The following DENND4B variants were observed in gnomAD, a reference collection of about 807,000 sequenced individuals.
DENND4B encodes DENN domain-containing protein 4B.
A neutral mutation model predicts 161.0 loss-of-function variants in DENND4B; 67 were observed. That is an observed-to-expected ratio of 0.42 (90% CI 0.34 to 0.51). The LOEUF is 0.51. Among genes scored for constraint, DENND4B ranks in the 20% least tolerant of loss-of-function variants. The probability of loss-of-function intolerance (pLI) is 0.08; values close to 1 mark genes in which losing one functional copy is unlikely to be tolerated. For synonymous variants in DENND4B, 753 were observed against 813.8 expected, an observed-to-expected ratio of 0.93 and a Z score of 1.27; for missense variants, 1,481 against 1,968.0, an observed-to-expected ratio of 0.75 and a Z score of 4.68.
chr1:153,945,381 C>T (rs1679903087), intron 1 of DENND4B: 2 of 329,474 alleles, frequency 6.1e-6, no homozygotes, highest in South Asian at 4.4e-5. Flanking sequence ...AAGGTGCCAG[C>T]ACAGCATTAC....
At chr1:153,943,609 C>T (rs1175643968) in intron 2 of DENND4B, among the ~76,000 whole-genome samples, 12 of 139,424 alleles carry the variant, frequency 8.6e-5, no homozygotes, top group Non-Finnish European at 1.4e-4. Context: ...ACCCAGGAGG[C>T]GAAGGTTGCA....
At position 153,932,539 on chromosome 1, in the gene DENND4B, T is replaced by G; in HGVS notation, c.3760-99A>C. 1 of 1,562,924 alleles carries G rather than the reference T, an allele frequency of 6.4e-7. No homozygotes were observed. Among genetic ancestry groups the G allele is most frequent in the Non-Finnish European group, 8.7e-7 (1 of 1,153,238 alleles). ...CATCCAACAGCTTTTGGGATGCCCCTTGCCCTCAAGGGCAAGAGATGTGCC... is the reference window on the plus strand; with the variant it reads ...CATCCAACAGCTTTTGGGATGCCCCGTGCCCTCAAGGGCAAGAGATGTGCC... On this transcript the variant is annotated intron_variant, in intron 23 of 27. Transcript: ENST00000361217. This position sits in a 1 kb window ranked among gnomAD's most constrained non-coding sequence, Gnocchi z 5.8.
Position 153,940,196 on chromosome 1 carries a change from C to A in DENND4B, c.1563G>T (p.Leu521=), listed in dbSNP as rs752996885. ...GGTACAGGTTTGTCAGTGTGGCCAG[C>A]AGAACCTTGTAGGGTCTGCGGGGCA... The part of the protein sequence containing the change: ...RTLPRRPYKV[L]LATLTNLYQQ... The change falls in exon 11 of 28, where the codon CTG becomes CTT. Residue 521 remains leucine, a synonymous_variant. Transcript: ENST00000361217. The surrounding 1 kb of genome is among the most constrained non-coding windows in gnomAD (Gnocchi z 5.6). The A allele has an allele frequency of 1.3e-6, 2 of 1,597,328 alleles. No homozygotes were observed. Among genetic ancestry groups the A allele is most frequent in the Admixed American group, 3.6e-5 (2 of 55,978 alleles).
At chr1:153,941,773 C>CCGGGGGGCG in intron 6 of DENND4B, 96 bp downstream of exon 6, 1 of 1,426,304 alleles carries the variant, frequency 7.0e-7, no homozygotes, top group Non-Finnish European at 9.6e-7. Context: ...ACCCTGTGCC[C>CCGGGGGGCG]AGCCCTCCCC....
intron 1 of DENND4B, among the ~76,000 whole-genome samples, chr1:153,945,757 G>A (rs1679924623): frequency 6.6e-6 from 1 of 152,244 alleles, no homozygotes; most frequent in Non-Finnish European, 1.5e-5. Flanking sequence ...AGGCCATTAG[G>A]TGGGACCTTC....
rs1679750640 is a variant in DENND4B, at chr1:153,942,806, G to A, written c.570+72C>T. On this transcript the variant is annotated intron_variant, in intron 3 of 27. Transcript: ENST00000361217. This position sits in a 1 kb window ranked among gnomAD's most constrained non-coding sequence, Gnocchi z 6.9. ...GTGGTCAGAGCCTTGGTCCTGGGATGCCCTTTGTTCCCAGTGTCCACACCC... is the reference window on the plus strand; with the variant it reads ...GTGGTCAGAGCCTTGGTCCTGGGATACCCTTTGTTCCCAGTGTCCACACCC... The A allele has an allele frequency of 3.9e-6, 6 of 1,526,324 alleles. No homozygotes were observed. The highest frequency in any genetic ancestry group is 5.3e-6 in the Non-Finnish European group (6 of 1,134,454). 94.5% of individuals were successfully genotyped at this position (1,526,324 alleles called of 1,614,324 possible). A position where few individuals can be genotyped will look rare whatever the true frequency, so the allele number is the denominator to read the frequency against.
chr1:153,931,214 G>A, intron 24 of DENND4B, 150 bp from the exon 25 acceptor site: 1 of 681,302 alleles, frequency 1.5e-6, no homozygotes, highest in South Asian at 1.8e-5. Context: ...CCACAAGAAT[G>A]TAAGCTCTTG....
At position 153,929,739 on chromosome 1, in the gene DENND4B, T is replaced by C. The variant is rs1258293554; in HGVS notation, c.*558A>G. On this transcript the variant is annotated 3_prime_UTR_variant, in exon 28 of 28. Transcript: ENST00000361217. ...ACCGGACCATGGTGCCCTATTTCCC[T>C]TCCCTTTCTCACTCTCCATAAGAAC... is the stretch of plus-strand genomic sequence containing the variant. 2.6e-5 allele frequency: 4 copies of C among 152,212 alleles called. No individual in the cohort carries two copies. Among genetic ancestry groups the C allele is most frequent in the African/African-American group, 9.7e-5 (4 of 41,408 alleles). 9.4% of individuals were successfully genotyped at this position (152,212 alleles called of 1,614,324 possible).
chr1:153,939,771 T>G lies in DENND4B; in HGVS notation c.1637A>C (p.Glu546Ala), dbSNP rs776059315. 1 of 1,613,858 alleles carries G rather than the reference T, an allele frequency of 6.2e-7. No individual in the cohort carries two copies. The highest frequency in any genetic ancestry group is 8.5e-7 in the Non-Finnish European group (1 of 1,179,882). ...TGCCTCGTAGTCTGTCAGTAGGAAC[T>G]CCAGGGATGCTTCCTCCTCAGGTCC... ...YTGPEEEASLEFLLTDYEAVC... is the reference protein window; with the variant it reads ...YTGPEEEASLAFLLTDYEAVC... The change falls in exon 12 of 28, where the codon GAG (glutamate) becomes GCG (alanine). Residue 546 changes from glutamate (E) to alanine (A), a missense_variant. This residue lies in a region of DENND4B where 806 missense variants were observed against 1,134.4 expected (regional missense o/e 0.71). Coordinates refer to ENST00000361217, the MANE Select transcript of DENND4B (RefSeq NM_014856.3).
Position 153,941,970 on chromosome 1 carries a change from G to A in DENND4B, c.954C>T (p.Ile318=), listed in dbSNP as rs767685316. 26 of 1,612,254 alleles carry A rather than the reference G, an allele frequency of 1.6e-5. No homozygotes were observed. Among genetic ancestry groups the A allele is most frequent in the Middle Eastern group, 1.7e-4 (1 of 5,772 alleles). The change falls in exon 6 of 28, where the codon ATC becomes ATT. Residue 318 remains isoleucine, a synonymous_variant. Transcript: ENST00000361217. The part of the protein sequence containing the change: ...GGRAVRSRRA[I]AVLSRWPAFP... ...AGGCAGGCCAGCGGGACAGCACAGC[G>A]ATGGCACGCCGGCTGCGCACAGCTC...
chr1:153,943,071 G>A lies in DENND4B; in HGVS notation c.377C>T (p.Pro126Leu). 1 of 1,613,994 alleles carries A rather than the reference G, an allele frequency of 6.2e-7. No homozygotes were observed. The highest frequency in any genetic ancestry group is 8.5e-7 in the Non-Finnish European group (1 of 1,179,884). Reference sequence around the variant, plus strand: ...GGCCAGGTTTGCTGAGTGGCTGTAGGGTGTCGTGTCAAGCACTTGGAAGCC... The same window carrying A: ...GGCCAGGTTTGCTGAGTGGCTGTAGAGTGTCGTGTCAAGCACTTGGAAGCC... ...KPGFQVLDTT[P>L]YSHSANLAPP... Residue 126 changes from proline (P) to leucine (L), a missense_variant, in exon 3 of 28, where the codon CCC (proline) becomes CTC (leucine). By Grantham distance (98) the Pro-to-Leu change is moderately conservative. Transcript: ENST00000361217.
In DENND4B at chr1:153,930,339, G is replaced by A; in HGVS notation, c.4449C>T (p.Ala1483=). The A allele has an allele frequency of 1.9e-6, 3 of 1,614,030 alleles. No homozygotes were observed. The highest frequency in any genetic ancestry group is 1.1e-5 in the South Asian group (1 of 91,086). The part of the protein sequence containing the change: ...HRRAQMPTPK[A]IDCRKCFGAP... The stretch of plus-strand genomic sequence containing the variant: ...CTCCAAAACATTTTCGGCAGTCAAT[G>A]GCCTTGGGAGTGGGCATCTGCGCCC... The change falls in exon 28 of 28, where the codon GCC becomes GCT. Residue 1483 remains alanine (A), a synonymous_variant. Coordinates refer to ENST00000361217, the MANE Select transcript of DENND4B (RefSeq NM_014856.3). The surrounding 1 kb of genome is among the most constrained non-coding windows in gnomAD (Gnocchi z 4.7).
intron 11 of DENND4B, 21 bp from the exon 12 acceptor site, chr1:153,939,825 A>G (rs919272773): frequency 1.2e-6 from 2 of 1,610,498 alleles, no homozygotes; most frequent in South Asian, 1.1e-5. Context: ...GGGCAGCCTA[A>G]GAGTCAGGGC....
In DENND4B at chr1:153,938,888, A is replaced by G; in HGVS notation, c.1965+12T>C. 1.3e-6 allele frequency: 2 copies of G among 1,574,004 alleles called. No homozygotes were observed. The highest frequency in any genetic ancestry group is 1.7e-6 in the Non-Finnish European group (2 of 1,159,630). On this transcript the variant is annotated intron_variant, in intron 13 of 27. Transcript: ENST00000361217. ...AGCAGAGGCCAATGAGCACATAGAG[A>G]AGGGATGATACCTTTTCAACACAAG...
Position 153,944,266 on chromosome 1 carries a change from G to A in DENND4B, c.109C>T (p.Pro37Ser), listed in dbSNP as rs1276581642. ...TCAGCTGGCCGGGGAGGGCGCAGGG[G>A]CCCACTGGGTTCAGGAACCCACGTT... The part of the protein sequence containing the change: ...EETWVPEPSG[P>S]LRPPRPAEPI... The change falls in exon 2 of 28, where the codon CCC (proline) becomes TCC (serine). Residue 37 changes from proline to serine, a missense_variant. By Grantham distance (74) the Pro-to-Ser change is moderately conservative (BLOSUM62 -1). Around this residue, in one of 3 missense-constraint regions of DENND4B, gnomAD observed 806 missense variants for 1,134.4 expected, o/e 0.71. Coordinates refer to ENST00000361217, the MANE Select transcript of DENND4B (RefSeq NM_014856.3). The surrounding 1 kb of genome is among the most constrained non-coding windows in gnomAD (Gnocchi z 4.8). 3 of 1,601,478 alleles carry A rather than the reference G, an allele frequency of 1.9e-6. No homozygotes were observed. The highest frequency in any genetic ancestry group is 2.7e-5 in the African/African-American group (2 of 74,816).
chr1:153,944,983 A>G lies in DENND4B; in HGVS notation c.-23-586T>C, dbSNP rs77552048. Among the ~76,000 whole-genome samples the G allele has an allele frequency of 8.9e-3, 1,349 of 152,206 alleles. 25 individuals are homozygous for G. The highest frequency in any genetic ancestry group is 0.031 in the African/African-American group (1,293 of 41,512). ...CCTTTCTCCTAGCTTAACTCCACCA[A>G]TCTGGCCCAAAATCCAGTGTTCTCA... On this transcript the variant is annotated intron_variant, in intron 1 of 27. Coordinates refer to ENST00000361217, the MANE Select transcript of DENND4B (RefSeq NM_014856.3). The surrounding 1 kb of genome is among the most constrained non-coding windows in gnomAD (Gnocchi z 4.8).
At position 153,944,690 on chromosome 1, in the gene DENND4B, G is replaced by T. The variant is rs1256006151; in HGVS notation, c.-23-293C>A. The stretch of plus-strand genomic sequence containing the variant: ...CATTGTCCATGTGTCCCTTTTAAAG[G>T]CTCACCAGTTATAACATCACAGAGA... On this transcript the variant is annotated intron_variant, in intron 1 of 27. Coordinates refer to ENST00000361217, the MANE Select transcript of DENND4B (RefSeq NM_014856.3). This position sits in a 1 kb window ranked among gnomAD's most constrained non-coding sequence, Gnocchi z 4.8. 6.6e-6 allele frequency among the ~76,000 whole-genome samples: 1 copy of T among 152,076 alleles called. No homozygotes were observed. Among genetic ancestry groups the T allele is most frequent in the Non-Finnish European group, 1.5e-5 (1 of 68,012 alleles).
Position 153,944,381 on chromosome 1 carries a change from C to T in DENND4B, c.-7G>A. 5 of 1,600,718 alleles carry T rather than the reference C, an allele frequency of 3.1e-6. No homozygotes were observed. The highest frequency in any genetic ancestry group is 4.3e-6 in the Non-Finnish European group (5 of 1,174,262). ...GGGGCCGCTCCTCCGCCATGGCCCC[C>T]CCCTCACTCACTGCATCTGGAATGG... On this transcript the variant is annotated 5_prime_UTR_variant, in exon 2 of 28. Coordinates refer to ENST00000361217, the MANE Select transcript of DENND4B (RefSeq NM_014856.3). The surrounding 1 kb of genome is among the most constrained non-coding windows in gnomAD (Gnocchi z 4.8).
chr1:153,932,705 C>G lies in DENND4B; in HGVS notation c.3696G>C (p.Val1232=), dbSNP rs1679031138. 1 of 1,613,930 alleles carries G rather than the reference C, an allele frequency of 6.2e-7. No individual in the cohort carries two copies. Among genetic ancestry groups the G allele is most frequent in the Admixed American group, 1.7e-5 (1 of 60,006 alleles). ...CAAGGCAGAGCCTTCGGTCACTGAG[C>G]ACAGGGCCAGGACCACCAGGGACAG... ...DAPVPGGPGP[V]LSDRRLCLAL... Residue 1232 remains valine (V), a synonymous_variant, in exon 23 of 28, where the codon GTG becomes GTC. Transcript: ENST00000361217. The surrounding 1 kb of genome is among the most constrained non-coding windows in gnomAD (Gnocchi z 5.8).
Sources: gnomAD v4.1 joint callset for allele counts (sites outside exome capture counted in the v4.1 genomes callset) on GRCh38, gnomAD v4.1.1 for gene constraint, gnomAD v4.1.1 regional missense constraint, Gnocchi (gnomAD v3.1) non-coding constraint, MANE v1.5 for transcripts, NCBI Gene and HGNC (gene_info 2026-07-23, HGNC 2026-07-21) for gene names.